ING3: variants seen among roughly 807,000 people sequenced by gnomAD.
The protein encoded by ING3 is inhibitor of growth family member 3, also known as inhibitor of growth protein 3.
A neutral mutation model predicts 64.8 loss-of-function variants in ING3; 6 were observed. That is an observed-to-expected ratio of 0.09 (90% CI 0.05 to 0.18). The LOEUF is 0.18. ING3 is among the 10% of genes least tolerant of loss of function. The probability of loss-of-function intolerance (pLI) is 1.00; values close to 1 mark genes in which losing one functional copy is unlikely to be tolerated. For synonymous variants in ING3, 170 were observed against 173.7 expected (o/e 0.98, Z 0.17); for missense variants, 310 against 489.7 (o/e 0.63, Z 3.46).
Position 120,975,714 on chromosome 7 carries a change from T to C in ING3, c.*870T>C, listed in dbSNP as rs1323624640. On this transcript the variant is annotated 3_prime_UTR_variant, in exon 12 of 12. Transcript: ENST00000315870. ...AAAATTTCTGAATTCCAATTAACTT[T>C]CAACTTTCATAATCTAAAAAGAATC... is the stretch of plus-strand genomic sequence containing the variant. 3 of 152,176 alleles carry C rather than the reference T, an allele frequency of 2.0e-5. No individual in the cohort carries two copies. Among genetic ancestry groups the C allele is most frequent in the African/African-American group, 4.8e-5 (2 of 41,442 alleles). The allele number at this position is 152,176 out of a possible 1,614,324, so 9.4% of individuals were successfully genotyped here.
intron 5 of ING3, 144 bp from the exon 6 acceptor site, chr7:120,966,482 C>A (rs192738223): frequency 5.8e-5 from 43 of 739,312 alleles, no homozygotes; most frequent in Non-Finnish European, 1.7e-5. Context: ...TCTAACATGT[C>A]TGGCTAAAAT....
Position 120,976,433 on chromosome 7 carries a change from A to C in ING3, c.*1589A>C, listed in dbSNP as rs968973410. 6.6e-6 allele frequency: 1 copy of C among 152,120 alleles called. No homozygotes were observed. The highest frequency in any genetic ancestry group is 2.4e-5 in the African/African-American group (1 of 41,424). 9.4% of individuals were successfully genotyped at this position (152,120 alleles called of 1,614,324 possible). A position where few individuals can be genotyped will look rare whatever the true frequency, so the allele number is the denominator to read the frequency against. On this transcript the variant is annotated 3_prime_UTR_variant, in exon 12 of 12. Transcript: ENST00000315870. ...CTGAGCTGCCACAGTCTGATTATAC[A>C]ACTCTACCAGCTCCCTAAACAAGTT... is the stretch of plus-strand genomic sequence containing the variant.
Position 120,960,934 on chromosome 7 carries a change from G to A in ING3, c.268-3808G>A, listed in dbSNP as rs1037019004. ...TTATACATACCCTGATAAAATTTGA[G>A]CTTTTAGTTAATGCTTGAATGATTT... On this transcript the variant is annotated intron_variant, in intron 4 of 11. Transcript: ENST00000315870. 5.9e-5 allele frequency among the ~76,000 whole-genome samples: 9 copies of A among 152,182 alleles called. 1 individual carries two copies. The highest frequency in any genetic ancestry group is 4.6e-4 in the Admixed American group (7 of 15,284).
At chr7:120,954,016 CAACTT>C (rs1469909513) in intron 3 of ING3, among the ~76,000 whole-genome samples, 2 of 152,144 alleles carry the variant, frequency 1.3e-5, no homozygotes, top group African/African-American at 2.4e-5. Context: ...ATTGGAAAAA[CAACTT>C]AAAAGACTTG....
chr7:120,968,236 T>G (rs1796022878), intron 8 of ING3, 145 bp downstream of exon 8: 1 of 789,532 alleles, frequency 1.3e-6, no homozygotes, highest in Non-Finnish European at 2.0e-6. Flanking sequence ...ATGTGATATT[T>G]TATTTAATGA....
intron 11 of ING3, among the ~76,000 whole-genome samples, chr7:120,973,690 A>C (rs1796098602): frequency 6.6e-6 from 1 of 152,124 alleles, no homozygotes; most frequent in Non-Finnish European, 1.5e-5. Context: ...TTTTTCCTGT[A>C]CTCTGCAGGT....
intron 2 of ING3, among the ~76,000 whole-genome samples, chr7:120,951,606 A>AC (rs1795766859): frequency 6.6e-6 from 1 of 152,202 alleles, no homozygotes; most frequent in African/African-American, 2.4e-5. Flanking sequence ...CAGCATTTAT[A>AC]CTTATTTTAA....
chr7:120,963,974 G>C (rs919000525), intron 4 of ING3, among the ~76,000 whole-genome samples: 1 of 151,946 alleles, frequency 6.6e-6, no homozygotes, highest in East Asian at 1.9e-4. Context: ...AAAGTAATGA[G>C]TTTGAAAAAA....
In ING3 at chr7:120,970,723, C is replaced by A. The variant is rs1016519986; in HGVS notation, c.944C>A (p.Ser315Tyr). The A allele has an allele frequency of 3.7e-6, 6 of 1,613,194 alleles. No individual in the cohort carries two copies. The change falls in exon 10 of 12, where the codon TCT becomes TAT. Residue 315 changes from serine (S) to tyrosine (Y), a missense_variant. Around this residue, in one of 3 missense-constraint regions of ING3, gnomAD observed 233 missense variants for 289.4 expected, o/e 0.81. Coordinates refer to ENST00000315870, the MANE Select transcript of ING3 (RefSeq NM_019071.3). ...NNKSSSQQSS[S>Y]SSSSSSLSSC... is the part of the protein sequence containing the mutation. Reference sequence around the variant, plus strand: ...AAGTCTTCAAGCCAGCAGTCATCATCTTCCTCCTCCTCTTCTTCCTTATCA... The same window carrying A: ...AAGTCTTCAAGCCAGCAGTCATCATATTCCTCCTCCTCTTCTTCCTTATCA...
At chr7:120,959,628 A>AC (rs1795901705) in intron 4 of ING3, among the ~76,000 whole-genome samples, 2 of 111,838 alleles carry the variant, frequency 1.8e-5, no homozygotes, top group African/African-American at 3.5e-5. Flanking sequence ...TCACTTCCTC[A>AC]CATTTTTTTT....
chr7:120,960,680 T>C (rs1454049344), intron 4 of ING3, among the ~76,000 whole-genome samples: 1 of 152,192 alleles, frequency 6.6e-6, no homozygotes. Flanking sequence ...TATCAACATA[T>C]TATCAATGAA....
chr7:120,959,225 C>T (rs2116664077), intron 4 of ING3, among the ~76,000 whole-genome samples: 1 of 152,248 alleles, frequency 6.6e-6, no homozygotes, highest in Non-Finnish European at 1.5e-5. Flanking sequence ...GATTGTCTTC[C>T]CCTCTTCTAC....
At chr7:120,964,879 C>G in intron 5 of ING3, 41 bp downstream of exon 5, 1 of 1,489,540 alleles carries the variant, frequency 6.7e-7, no homozygotes, top group South Asian at 1.1e-5. Context: ...TTGGACAGTA[C>G]ATGTGCAAAT....
In ING3 at chr7:120,975,948, T is replaced by C. The variant is rs978916066; in HGVS notation, c.*1104T>C. On this transcript the variant is annotated 3_prime_UTR_variant, in exon 12 of 12. Coordinates refer to ENST00000315870, the MANE Select transcript of ING3 (RefSeq NM_019071.3). The stretch of plus-strand genomic sequence containing the variant: ...TTAAAACGAAAATAATGGTTATGGG[T>C]GTTTTGACTGGAGGCAATGTAGCCA... 1 of 152,030 alleles carries C rather than the reference T, an allele frequency of 6.6e-6. No homozygotes were observed. The highest frequency in any genetic ancestry group is 2.4e-5 in the African/African-American group (1 of 41,406). The allele number at this position is 152,030 out of a possible 1,614,324, so 9.4% of individuals were successfully genotyped here.
At chr7:120,966,539 G>A in intron 5 of ING3, 87 bp from the exon 6 acceptor site, 1 of 971,294 alleles carries the variant, frequency 1.0e-6, no homozygotes, top group Non-Finnish European at 1.7e-6. Flanking sequence ...TGCTGGGTAA[G>A]GGAACTCATT....
intron 6 of ING3, 151 bp downstream of exon 6, chr7:120,966,848 C>G: frequency 1.5e-6 from 1 of 652,642 alleles, no homozygotes; most frequent in Non-Finnish European, 2.7e-6. Context: ...TTGTCTTTTT[C>G]CTTGGGGGGA....
intron 3 of ING3, among the ~76,000 whole-genome samples, chr7:120,954,111 A>G (rs990402614): frequency 2.6e-5 from 4 of 152,038 alleles, no homozygotes; most frequent in Admixed American, 6.6e-5. Context: ...CCTAAACCCA[A>G]TGTTCATAGA....
intron 8 of ING3, among the ~76,000 whole-genome samples, chr7:120,968,304 C>T (rs1015341726): frequency 1.3e-5 from 2 of 152,098 alleles, no homozygotes; most frequent in East Asian, 1.9e-4. Flanking sequence ...GTTTATCATG[C>T]GGATTACATG....
rs1795757868 is a variant in ING3 at position 120,951,154 on chromosome 7, C to G, written c.29-10C>G. 1 of 1,614,106 alleles carries G rather than the reference C, an allele frequency of 6.2e-7. No individual in the cohort carries two copies. The highest frequency in any genetic ancestry group is 8.5e-7 in the Non-Finnish European group (1 of 1,179,972). ...GGCCCCGCCCCTCTGACGGACTCTCCCTTTGACAGTGATTGAGCAGCTTCC... is the reference window on the plus strand; with the variant it reads ...GGCCCCGCCCCTCTGACGGACTCTCGCTTTGACAGTGATTGAGCAGCTTCC... On this transcript the variant is annotated splice_polypyrimidine_tract_variant and intron_variant, in intron 1 of 11. Transcript: ENST00000315870.
Sources: gnomAD v4.1 joint callset for allele counts (sites outside exome capture counted in the v4.1 genomes callset) on GRCh38, gnomAD v4.1.1 for gene constraint, gnomAD v4.1.1 regional missense constraint, MANE v1.5 for transcripts, NCBI Gene and HGNC (gene_info 2026-07-23, HGNC 2026-07-21) for gene names.